Variants in PTPRD observed in about 807,000 individuals in gnomAD.
PTPRD encodes protein tyrosine phosphatase receptor type D, also known as receptor-type tyrosine-protein phosphatase delta.
In PTPRD, 34 loss-of-function variants were observed where a neutral mutation model predicts 214.5. The observed-to-expected ratio is 0.16, with a 90% CI of 0.12 to 0.21. The LOEUF (loss-of-function observed/expected upper bound fraction) is 0.21, where lower values mean the gene tolerates loss of function less well. Among genes scored for constraint, PTPRD ranks in the 10% least tolerant of loss-of-function variants. The pLI, the probability that PTPRD is intolerant of heterozygous loss-of-function variation, is 1.00. For synonymous variants in PTPRD, 1,128 were observed against 845.7 expected, an observed-to-expected ratio of 1.33 and a Z score of -5.79; for missense variants, 2,545 against 2,398.7, an observed-to-expected ratio of 1.06 and a Z score of -1.27.
chr9:9,622,975 A>G (rs2095298712), intron 7 of PTPRD, among the ~76,000 whole-genome samples: 1 of 152,236 alleles, frequency 6.6e-6, no homozygotes, highest in African/African-American at 2.4e-5. Flanking sequence ...ATGAGCAATC[A>G]GATAGAGATA....
At chr9:9,955,681 G>A (rs1237350227) in intron 4 of PTPRD, among the ~76,000 whole-genome samples, 4 of 151,932 alleles carry the variant, frequency 2.6e-5, no homozygotes, top group East Asian at 1.9e-4. Flanking sequence ...CCGCCACCAT[G>A]CCCGACTAAT....
At chr9:8,694,027 T>C (rs933084659) in intron 12 of PTPRD, among the ~76,000 whole-genome samples, 4 of 152,220 alleles carry the variant, frequency 2.6e-5, no homozygotes, top group Non-Finnish European at 5.9e-5. Context: ...GTGTCATTAA[T>C]ATTCAAATGC....
At chr9:9,414,594 C>A (rs2076463152) in intron 8 of PTPRD, among the ~76,000 whole-genome samples, 1 of 152,050 alleles carries the variant, frequency 6.6e-6, no homozygotes. Flanking sequence ...ACAAACAAAC[C>A]AACCCATCTT....
chr9:9,952,429 A>G (rs1301311562), intron 4 of PTPRD, among the ~76,000 whole-genome samples: 1 of 152,194 alleles, frequency 6.6e-6, no homozygotes, highest in African/African-American at 2.4e-5. Context: ...GGCAAGATGT[A>G]GGTATAACAA....
At chr9:9,525,294 G>C (rs1333217735) in intron 8 of PTPRD, among the ~76,000 whole-genome samples, 1 of 151,898 alleles carries the variant, frequency 6.6e-6, no homozygotes, top group Non-Finnish European at 1.5e-5. Flanking sequence ...CTATATTCTT[G>C]CCACTAATCA....
intron 11 of PTPRD, among the ~76,000 whole-genome samples, chr9:8,737,054 G>C (rs752009530): frequency 6.6e-6 from 1 of 152,152 alleles, no homozygotes; most frequent in Admixed American, 6.5e-5. Flanking sequence ...TAATGACTCC[G>C]TGTGATCACA....
intron 5 of PTPRD, among the ~76,000 whole-genome samples, chr9:9,788,390 A>G (rs2098941702): frequency 6.6e-6 from 1 of 151,556 alleles, no homozygotes; most frequent in Admixed American, 6.6e-5. Flanking sequence ...TCCCTACTAA[A>G]AATACAAAAA....
chr9:8,666,930 ACATT>A (rs113806456), intron 12 of PTPRD, among the ~76,000 whole-genome samples: 3,419 of 152,308 alleles, frequency 0.022, 123 homozygotes, highest in African/African-American at 0.077. Flanking sequence ...TTGTGTACAT[ACATT>A]ATCTCTAACA....
At chr9:8,340,651 C>T (rs16927585) in intron 41 of PTPRD, among the ~76,000 whole-genome samples, 182 bp from the exon 42 acceptor site, 4,133 of 152,170 alleles carry the variant, frequency 0.027, 99 homozygotes, top group Middle Eastern at 0.085. Flanking sequence ...TTGGGGACTT[C>T]GCAAACTAAA....
Position 10,240,640 on chromosome 9 carries a change from G to A in PTPRD, c.-545+100323C>T, listed in dbSNP as rs78922390. Among the ~76,000 whole-genome samples, 603 of 151,960 alleles carry A rather than the reference G, an allele frequency of 4.0e-3. 2 individuals carry two copies. Among genetic ancestry groups the A allele is most frequent in the African/African-American group, 0.013 (544 of 41,524 alleles). ...AAAAATATATAAAACAATATGTACA[G>A]AAGGATAATACAAAATGACAAAATG... On this transcript the variant is annotated intron_variant, in intron 3 of 45. Transcript: ENST00000381196.
At chr9:9,777,497 CCAGCCTAGAGAA>C (rs536108997) in intron 5 of PTPRD, among the ~76,000 whole-genome samples, 4 of 152,044 alleles carry the variant, frequency 2.6e-5, no homozygotes, top group Non-Finnish European at 5.9e-5. Flanking sequence ...GAGTTTGAGA[CCAGCCTAGAGAA>C]CATGAAAAAA....
intron 7 of PTPRD, among the ~76,000 whole-genome samples, chr9:9,723,348 G>T (rs1311966673): frequency 6.6e-6 from 1 of 152,000 alleles, no homozygotes; most frequent in Admixed American, 6.6e-5. Flanking sequence ...TTTATTTCTG[G>T]ACATTCAATT....
intron 14 of PTPRD, among the ~76,000 whole-genome samples, chr9:8,563,004 G>A (rs191654184): frequency 2.0e-5 from 3 of 152,054 alleles, no homozygotes; most frequent in African/African-American, 7.2e-5. Context: ...AGGCAGATGA[G>A]TAGATAAATA....
At chr9:9,937,471 A>T (rs2089964755) in intron 5 of PTPRD, among the ~76,000 whole-genome samples, 2 of 151,698 alleles carry the variant, frequency 1.3e-5, no homozygotes, top group South Asian at 4.1e-4. Flanking sequence ...TAGAAAAAAT[A>T]TTTTATAAAT....
At chr9:9,279,983 T>C (rs1393819726) in intron 9 of PTPRD, among the ~76,000 whole-genome samples, 1 of 151,354 alleles carries the variant, frequency 6.6e-6, no homozygotes, top group Admixed American at 6.6e-5. Context: ...TTTAATTGAC[T>C]GTTTCTATAT....
intron 9 of PTPRD, among the ~76,000 whole-genome samples, 160 bp from the exon 10 acceptor site, chr9:9,183,523 A>T (rs1026277890): frequency 6.6e-6 from 1 of 152,090 alleles, no homozygotes; most frequent in Admixed American, 6.6e-5. Context: ...TTTATGAAAT[A>T]CAATCTTTAA....
Position 8,600,993 on chromosome 9 carries a change from T to C in PTPRD, c.352+32324A>G, listed in dbSNP as rs181857190. Among the ~76,000 whole-genome samples, 29 of 152,224 alleles carry C rather than the reference T, an allele frequency of 1.9e-4. No individual in the cohort carries two copies. In the East Asian group the frequency reaches 5.6e-3, roughly 30 times the overall value. ...TCCCCAGCATCCTGGATGGCATTTC[T>C]AGACCTGCCCTGGGCCAAAGAGCTG... On this transcript the variant is annotated intron_variant, in intron 14 of 45. Transcript: ENST00000381196.
At chr9:8,764,792 AAATAATAATAATAATGAT>A (rs2094605671) in intron 11 of PTPRD, among the ~76,000 whole-genome samples, 1 of 127,152 alleles carries the variant, frequency 7.9e-6, no homozygotes. Context: ...GTTTGTCTCA[AAATAATAATAATAATGAT>A]AATAATAATA....
intron 7 of PTPRD, among the ~76,000 whole-genome samples, chr9:9,598,128 C>A (rs1273694854): frequency 6.6e-6 from 1 of 151,880 alleles, no homozygotes; most frequent in Admixed American, 6.6e-5. Flanking sequence ...CCTTCAAAAC[C>A]AAGAGACTCA....
Sources: gnomAD v4.1 joint callset for allele counts (sites outside exome capture counted in the v4.1 genomes callset) on GRCh38, gnomAD v4.1.1 for gene constraint, MANE v1.5 for transcripts, NCBI Gene and HGNC (gene_info 2026-07-23, HGNC 2026-07-21) for gene names.